Variants in CTIF observed in about 807,000 individuals in gnomAD.
The protein encoded by CTIF is cap binding complex dependent translation initiation factor.
In CTIF, 21 loss-of-function variants were observed where a neutral mutation model predicts 66.0. The observed-to-expected ratio is 0.32, with a 90% CI of 0.23 to 0.46. CTIF has a LOEUF of 0.46. CTIF is among the 20% of genes least tolerant of loss of function. The pLI is 1.00. For missense variants in CTIF, 739 were observed against 812.7 expected (o/e 0.91, Z 1.10); for synonymous variants, 345 against 326.4 (o/e 1.06, Z -0.62).
intron 1 of CTIF, among the ~76,000 whole-genome samples, chr18:48,551,524 C>T (rs1047635582): frequency 2.0e-5 from 3 of 152,160 alleles, no homozygotes; most frequent in Admixed American, 6.5e-5. Flanking sequence ...AATACACATG[C>T]ATTGTGTGTT....
At chr18:48,803,775 G>C (rs981360051) in intron 9 of CTIF, among the ~76,000 whole-genome samples, 5 of 152,182 alleles carry the variant, frequency 3.3e-5, no homozygotes, top group Admixed American at 2.0e-4. Context: ...CATTTGGGGA[G>C]GGGGGGCTCT....
At chr18:48,546,886 C>T (rs1404896095) in intron 1 of CTIF, among the ~76,000 whole-genome samples, 1 of 152,164 alleles carries the variant, frequency 6.6e-6, no homozygotes, top group African/African-American at 2.4e-5. Flanking sequence ...AAATGTGAGA[C>T]CTCAGGCCTG....
chr18:48,720,205 C>T (rs934240754), intron 7 of CTIF, among the ~76,000 whole-genome samples: 1 of 152,178 alleles, frequency 6.6e-6, no homozygotes, highest in African/African-American at 2.4e-5. Context: ...TTGTAGGCAA[C>T]AGGATCTTAG....
intron 10 of CTIF, 37 bp downstream of exon 10, chr18:48,817,413 G>A: frequency 6.3e-7 from 1 of 1,584,378 alleles, no homozygotes. Flanking sequence ...TGCACAGCCA[G>A]ACAGCACCAG....
chr18:48,624,354 C>A (rs1183119417), intron 2 of CTIF, among the ~76,000 whole-genome samples: 2 of 152,140 alleles, frequency 1.3e-5, no homozygotes, highest in African/African-American at 4.8e-5. Flanking sequence ...CTGAGCTGGG[C>A]TCTGGAGCCC....
chr18:48,711,947 C>T (rs574299145), intron 7 of CTIF, among the ~76,000 whole-genome samples: 1 of 152,322 alleles, frequency 6.6e-6, no homozygotes, highest in Non-Finnish European at 1.5e-5. Context: ...ACCACTGCCT[C>T]TTCCTGGGGG....
intron 6 of CTIF, among the ~76,000 whole-genome samples, chr18:48,683,842 A>C (rs2091789121): frequency 6.6e-6 from 1 of 152,194 alleles, no homozygotes; most frequent in African/African-American, 2.4e-5. Flanking sequence ...CTGCTGAGAC[A>C]AGCGTGGCAC....
intron 6 of CTIF, among the ~76,000 whole-genome samples, chr18:48,701,186 G>A (rs144027875): frequency 1.3e-5 from 2 of 152,290 alleles, no homozygotes; most frequent in East Asian, 3.9e-4. Flanking sequence ...TTCAGGGGCT[G>A]CAGAATGGAA....
intron 1 of CTIF, among the ~76,000 whole-genome samples, chr18:48,561,513 CAG>C (rs2089163811): frequency 6.6e-6 from 1 of 152,158 alleles, no homozygotes; most frequent in Non-Finnish European, 1.5e-5. Flanking sequence ...AGACCCTTCT[CAG>C]AGAAACTCCA....
intron 7 of CTIF, among the ~76,000 whole-genome samples, chr18:48,731,087 G>A (rs929224205): frequency 1.3e-5 from 2 of 152,132 alleles, no homozygotes; most frequent in African/African-American, 4.8e-5. Context: ...AGAAAGAGAA[G>A]GGGTGCTCAT....
At chr18:48,591,558 G>C (rs2089887732) in intron 1 of CTIF, among the ~76,000 whole-genome samples, 1 of 152,218 alleles carries the variant, frequency 6.6e-6, no homozygotes, top group Admixed American at 6.5e-5. Context: ...ACTGAAGAGA[G>C]TGCAGCTAAA....
At chr18:48,753,406 T>A (rs760960478) in intron 7 of CTIF, among the ~76,000 whole-genome samples, 1 of 152,174 alleles carries the variant, frequency 6.6e-6, no homozygotes, top group Non-Finnish European at 1.5e-5. Flanking sequence ...ACCATTTTTT[T>A]AAACAAAATT....
rs548076186 is a variant in CTIF, at chr18:48,701,536, A to AGCCACACTGGGGGCCCCCCG, written c.508-10080_508-10079insACACTGGGGGCCCCCCGGCC. 2.0e-3 allele frequency among the ~76,000 whole-genome samples: 310 copies of AGCCACACTGGGGGCCCCCCG among 151,728 alleles called. 2 individuals carry two copies. Among genetic ancestry groups the AGCCACACTGGGGGCCCCCCG allele is most frequent in the African/African-American group, 6.7e-3 (277 of 41,286 alleles). On this transcript the variant is annotated intron_variant, in intron 6 of 11. Coordinates refer to ENST00000256413, the MANE Select transcript of CTIF (RefSeq NM_014772.3). ...TCATCCTCCAGTGCCTCCGTCCCCC[A>AGCCACACTGGGGGCCCCCCG]GCCCCCAGTGCACACAGTGCACTCC... is the stretch of plus-strand genomic sequence containing the variant.
intron 1 of CTIF, chr18:48,540,197 G>A (rs555116701): frequency 1.3e-5 from 2 of 152,398 alleles, no homozygotes; most frequent in Admixed American, 1.3e-4. Context: ...CTGTCGCTGC[G>A]GTGCAATCGG....
intron 1 of CTIF, among the ~76,000 whole-genome samples, chr18:48,564,167 G>A (rs1023666903): frequency 2.0e-5 from 3 of 152,182 alleles, no homozygotes; most frequent in African/African-American, 7.2e-5. Context: ...TCTATCTTAG[G>A]GGCAAGGACT....
intron 1 of CTIF, among the ~76,000 whole-genome samples, chr18:48,577,011 C>T (rs1323918663): frequency 6.6e-6 from 1 of 152,252 alleles, no homozygotes; most frequent in African/African-American, 2.4e-5. Flanking sequence ...TCTGCGGGGA[C>T]AGGGTCTGCC....
intron 9 of CTIF, among the ~76,000 whole-genome samples, chr18:48,768,323 A>G (rs773434598): frequency 6.6e-6 from 1 of 152,114 alleles, no homozygotes; most frequent in Non-Finnish European, 1.5e-5. Context: ...TCCTGGCTTC[A>G]TGGTTCATAG....
chr18:48,690,528 C>G (rs1421393355), intron 6 of CTIF, among the ~76,000 whole-genome samples: 1 of 152,160 alleles, frequency 6.6e-6, no homozygotes, highest in Non-Finnish European at 1.5e-5. Context: ...CCCCATGTAA[C>G]AGCACACTGG....
intron 7 of CTIF, among the ~76,000 whole-genome samples, chr18:48,729,344 A>G (rs2145632998): frequency 6.6e-6 from 1 of 152,286 alleles, no homozygotes. Flanking sequence ...CTATAATCTC[A>G]ATGATTATAA....
Sources: gnomAD v4.1 joint callset for allele counts (sites outside exome capture counted in the v4.1 genomes callset) on GRCh38, gnomAD v4.1.1 for gene constraint, MANE v1.5 for transcripts, NCBI Gene and HGNC (gene_info 2026-07-23, HGNC 2026-07-21) for gene names.